Variants in DENND1A observed in about 807,000 individuals in gnomAD.
DENND1A encodes DENN domain-containing protein 1A.
Under a neutral mutation model 113.7 loss-of-function variants are expected in DENND1A, and 51 were observed. The observed-to-expected ratio is 0.45, with a 90% CI of 0.36 to 0.57. DENND1A has a LOEUF of 0.57. Ranked by LOEUF, DENND1A falls within the 20% of genes least tolerant of loss-of-function variation. DENND1A has a pLI of 0.00. For synonymous variants in DENND1A, 565 were observed against 570.8 expected (o/e 0.99, Z 0.14); for missense variants, 1,258 against 1,395.9 (o/e 0.90, Z 1.57).
chr9:123,678,459 G>A (rs747929272), intron 5 of DENND1A, among the ~76,000 whole-genome samples: 2 of 152,154 alleles, frequency 1.3e-5, no homozygotes, highest in African/African-American at 2.4e-5. Flanking sequence ...AGCGCTTGCC[G>A]GCCTGGTCAT....
chr9:123,573,793 C>T (rs2058483252), intron 12 of DENND1A, among the ~76,000 whole-genome samples: 1 of 151,684 alleles, frequency 6.6e-6, no homozygotes, highest in African/African-American at 2.4e-5. Flanking sequence ...TGGGAACCTC[C>T]AGTACAATGT....
At chr9:123,799,975 G>A (rs1475441849) in intron 2 of DENND1A, among the ~76,000 whole-genome samples, 3 of 152,226 alleles carry the variant, frequency 2.0e-5, no homozygotes, top group Non-Finnish European at 4.4e-5. Context: ...ATGTATAGGT[G>A]TGCCTCAAAT....
At chr9:123,787,942 G>C (rs1832439820) in intron 3 of DENND1A, among the ~76,000 whole-genome samples, 1 of 152,066 alleles carries the variant, frequency 6.6e-6, no homozygotes, top group African/African-American at 2.4e-5. Flanking sequence ...CTGTTTCAGT[G>C]CCAGTGGAAA....
chr9:123,441,910 G>A (rs1432352785), intron 18 of DENND1A, among the ~76,000 whole-genome samples: 2 of 152,184 alleles, frequency 1.3e-5, no homozygotes, highest in East Asian at 3.8e-4. Flanking sequence ...TCAGCTAAGA[G>A]AGAATGGTGG....
chr9:123,655,086 C>T (rs1376610675), intron 8 of DENND1A, among the ~76,000 whole-genome samples: 1 of 152,208 alleles, frequency 6.6e-6, no homozygotes, highest in South Asian at 2.1e-4. Flanking sequence ...GCCTCGAATG[C>T]CCCACTCTTC....
chr9:123,622,863 G>C (rs927362654), intron 10 of DENND1A, among the ~76,000 whole-genome samples: 1 of 152,200 alleles, frequency 6.6e-6, no homozygotes, highest in African/African-American at 2.4e-5. Flanking sequence ...GCAAGTTAAT[G>C]CTTTTCTCCC....
At chr9:123,573,467 T>C (rs912582892) in intron 12 of DENND1A, among the ~76,000 whole-genome samples, 1 of 152,030 alleles carries the variant, frequency 6.6e-6, no homozygotes, top group Non-Finnish European at 1.5e-5. Context: ...GTCTTTTAAA[T>C]TTTTTTTCAG....
chr9:123,827,008 A>G (rs1839426905), intron 2 of DENND1A, among the ~76,000 whole-genome samples: 1 of 152,202 alleles, frequency 6.6e-6, no homozygotes, highest in Non-Finnish European at 1.5e-5. Flanking sequence ...TTAAAAGTAT[A>G]CATCTACATG....
At chr9:123,625,542 G>C (rs1248026502) in intron 10 of DENND1A, among the ~76,000 whole-genome samples, 1 of 152,202 alleles carries the variant, frequency 6.6e-6, no homozygotes, top group Non-Finnish European at 1.5e-5. Flanking sequence ...TCAGGAGTTA[G>C]AGACCAGCCT....
At chr9:123,641,937 CATGGATCA>C (rs2062050767) in intron 9 of DENND1A, among the ~76,000 whole-genome samples, 1 of 152,136 alleles carries the variant, frequency 6.6e-6, no homozygotes, top group Non-Finnish European at 1.5e-5. Context: ...AATGCTAATC[CATGGATCA>C]GAACTGGGGA....
chr9:123,514,560 C>T (rs7854068), intron 13 of DENND1A, among the ~76,000 whole-genome samples: 1 of 151,900 alleles, frequency 6.6e-6, no homozygotes, highest in Non-Finnish European at 1.5e-5. Context: ...GCGACAGAAG[C>T]GTGGTTCCAC....
At chr9:123,531,554 T>TACACACACACACACAC (rs57819030) in intron 13 of DENND1A, among the ~76,000 whole-genome samples, 21 of 103,192 alleles carry the variant, frequency 2.0e-4, no homozygotes, top group South Asian at 6.8e-4. Context: ...CCTCTCTCTC[T>TACACACACACACACAC]ACACACACAC....
chr9:123,799,907 G>A (rs1214418725), intron 2 of DENND1A, among the ~76,000 whole-genome samples: 1 of 152,172 alleles, frequency 6.6e-6, no homozygotes, highest in African/African-American at 2.4e-5. Flanking sequence ...ATTAGTTGTT[G>A]TTATATTATT....
intron 11 of DENND1A, among the ~76,000 whole-genome samples, chr9:123,593,345 TCTC>T (rs1301889448): frequency 1.3e-5 from 2 of 152,096 alleles, no homozygotes; most frequent in Non-Finnish European, 2.9e-5. Context: ...AGTAAAAAAT[TCTC>T]TTCTGGGTGA....
At chr9:123,769,479 T>C in intron 4 of DENND1A, 35 bp downstream of exon 4, 3 of 1,567,584 alleles carry the variant, frequency 1.9e-6, no homozygotes, top group East Asian at 2.3e-5. Flanking sequence ...TTATTGATAC[T>C]TTTTTTCTAG....
At chr9:123,809,657 T>C (rs1232455118) in intron 2 of DENND1A, among the ~76,000 whole-genome samples, 2 of 152,242 alleles carry the variant, frequency 1.3e-5, no homozygotes, top group East Asian at 1.9e-4. Context: ...ATTCTAAATT[T>C]AAGCAGCAGT....
At chr9:123,868,499 C>T (rs591168) in intron 2 of DENND1A, among the ~76,000 whole-genome samples, 18,934 of 152,140 alleles carry the variant, frequency 0.12, 1,531 homozygotes, top group African/African-American at 0.23. Flanking sequence ...TCAACTAAAA[C>T]AGGTACTATT....
At chr9:123,607,279 T>C (rs771843194) in intron 11 of DENND1A, among the ~76,000 whole-genome samples, 2 of 151,424 alleles carry the variant, frequency 1.3e-5, no homozygotes, top group Admixed American at 6.6e-5. Flanking sequence ...GAAAGCAAAG[T>C]GTCAATGAAG....
intron 5 of DENND1A, among the ~76,000 whole-genome samples, chr9:123,714,811 G>T (rs2066868339): frequency 6.6e-6 from 1 of 152,126 alleles, no homozygotes; most frequent in African/African-American, 2.4e-5. Flanking sequence ...TCCACAGGTT[G>T]GTTGCTAGGA....
Sources: gnomAD v4.1 joint callset for allele counts (sites outside exome capture counted in the v4.1 genomes callset) on GRCh38, gnomAD v4.1.1 for gene constraint, MANE v1.5 for transcripts, NCBI Gene and HGNC (gene_info 2026-07-23, HGNC 2026-07-21) for gene names.